Variants in RANBP2 observed in about 807,000 individuals in gnomAD.
The protein encoded by RANBP2 is RAN binding protein 2, also known as E3 SUMO-protein ligase RanBP2.
RANBP2 carries 57 observed loss-of-function variants against 303.6 expected under a neutral mutation model. The observed-to-expected ratio is 0.19, with a 90% CI of 0.15 to 0.23. The LOEUF (loss-of-function observed/expected upper bound fraction) is 0.23, where lower values mean the gene tolerates loss of function less well. RANBP2 is among the 10% of genes least tolerant of loss of function. The pLI, the probability that RANBP2 is intolerant of heterozygous loss-of-function variation, is 1.00. For synonymous variants in RANBP2, 1,167 were observed against 1,301.5 expected (o/e 0.90, Z 2.23); for missense variants, 3,138 against 3,780.8 (o/e 0.83, Z 4.46).
chr2:109,534,174 C>T, the RANBP2 span, among the ~76,000 whole-genome samples: 2 of 152,134 alleles, frequency 1.3e-5, no homozygotes, highest in Non-Finnish European at 2.9e-5. Flanking sequence ...CTGTCAGAGC[C>T]AAGCTATGAT....
the RANBP2 span, among the ~76,000 whole-genome samples, chr2:109,131,019 A>C: frequency 6.6e-6 from 1 of 152,218 alleles, no homozygotes; most frequent in Non-Finnish European, 1.5e-5. Flanking sequence ...GTTAAAAAAA[A>C]TACATTATCT....
At chr2:109,633,819 T>C in the RANBP2 span, among the ~76,000 whole-genome samples, 1 of 151,882 alleles carries the variant, frequency 6.6e-6, no homozygotes, top group Non-Finnish European at 1.5e-5. Flanking sequence ...CTGTCACAGA[T>C]GGGTTGATGT....
the RANBP2 span, chr2:109,574,855 T>C: frequency 1.1e-6 from 1 of 890,052 alleles, no homozygotes; most frequent in Non-Finnish European, 1.6e-6. Context: ...GGTCTATATT[T>C]TCACTAATTA....
the RANBP2 span, among the ~76,000 whole-genome samples, chr2:109,527,179 G>A: frequency 2.0e-4 from 31 of 152,346 alleles, no homozygotes; most frequent in African/African-American, 7.0e-4. Context: ...CGAAGCAGAT[G>A]TGTGTGCCTG....
the RANBP2 span, among the ~76,000 whole-genome samples, chr2:109,632,467 C>T: frequency 1.3e-5 from 2 of 152,120 alleles, no homozygotes; most frequent in African/African-American, 4.8e-5. Context: ...TGCTGTACAC[C>T]CAGCTGGTCA....
rs1409990602 is a variant in RANBP2, at chr2:108,765,983, C to T, written c.5444C>T (p.Ala1815Val). The T allele has an allele frequency of 1.9e-6, 3 of 1,614,018 alleles. No homozygotes were observed. Among genetic ancestry groups the T allele is most frequent in the Admixed American group, 1.7e-5 (1 of 59,994 alleles). ...TCTAAACCAACTCATAAACCTATTG[C>T]AGAAGCTCCTTCAGCTTTCACACTG... ...DASKPTHKPI[A>V]EAPSAFTLGS... Residue 1815 changes from alanine (A) to valine (V), a missense_variant, in exon 20 of 29, where the codon GCA becomes GTA. By Grantham distance (64) the Ala-to-Val change is moderately conservative (BLOSUM62 0). Coordinates refer to ENST00000283195, the MANE Select transcript of RANBP2 (RefSeq NM_006267.5).
chr2:108,971,849 A>G, the RANBP2 span, among the ~76,000 whole-genome samples: 1 of 152,206 alleles, frequency 6.6e-6, no homozygotes, highest in Non-Finnish European at 1.5e-5. Flanking sequence ...AGCCAACAGA[A>G]AAAAGGGCAG....
the RANBP2 span, chr2:109,564,545 A>C: frequency 3.4e-6 from 5 of 1,480,434 alleles, no homozygotes; most frequent in South Asian, 7.5e-5. Context: ...CTAGCCAAAA[A>C]AAAATAAGAA....
At chr2:109,327,392 TTAAAC>T in the RANBP2 span, among the ~76,000 whole-genome samples, 1 of 152,264 alleles carries the variant, frequency 6.6e-6, no homozygotes, top group African/African-American at 2.4e-5. Flanking sequence ...CTATTGTTGA[TTAAAC>T]TATTCTTTTG....
At chr2:109,175,118 C>T in the RANBP2 span, among the ~76,000 whole-genome samples, 1 of 152,106 alleles carries the variant, frequency 6.6e-6, no homozygotes, top group South Asian at 2.1e-4. Context: ...ACTAGTAGTC[C>T]TGGTCATTAT....
the RANBP2 span, among the ~76,000 whole-genome samples, chr2:109,181,466 A>G: frequency 1.3e-5 from 2 of 152,164 alleles, no homozygotes; most frequent in Non-Finnish European, 2.9e-5. Flanking sequence ...GTGTGAAGAA[A>G]GGATTCCACT....
chr2:109,111,130 T>C, the RANBP2 span, among the ~76,000 whole-genome samples: 4 of 152,316 alleles, frequency 2.6e-5, no homozygotes, highest in Non-Finnish European at 5.9e-5. Flanking sequence ...CTTACTGCTT[T>C]ACAAGGTAGC....
At chr2:108,844,865 A>G in the RANBP2 span, among the ~76,000 whole-genome samples, 2 of 150,444 alleles carry the variant, frequency 1.3e-5, no homozygotes, top group African/African-American at 4.9e-5. Context: ...CTCCTGCCTC[A>G]CCCTCCTGAA....
At chr2:109,685,485 C>T in the RANBP2 span, among the ~76,000 whole-genome samples, 6 of 152,210 alleles carry the variant, frequency 3.9e-5, no homozygotes, top group African/African-American at 1.2e-4. Context: ...AGAAACCTAG[C>T]GTGTGTTTTG....
At chr2:108,874,469 C>A in the RANBP2 span, among the ~76,000 whole-genome samples, 3 of 152,124 alleles carry the variant, frequency 2.0e-5, no homozygotes, top group African/African-American at 7.2e-5. Context: ...TGAGGCAAAT[C>A]TGGACACCTT....
chr2:108,905,064 AC>A, the RANBP2 span, among the ~76,000 whole-genome samples: 1 of 152,208 alleles, frequency 6.6e-6, no homozygotes, highest in African/African-American at 2.4e-5. Context: ...AAAACAAAAA[AC>A]AAAGAGACAC....
chr2:108,804,237 G>A, the RANBP2 span, among the ~76,000 whole-genome samples: 4 of 152,086 alleles, frequency 2.6e-5, no homozygotes, highest in Admixed American at 1.3e-4. Flanking sequence ...GAAAGTGAAA[G>A]GTGAAACTAT....
chr2:108,959,485 T>C, the RANBP2 span, among the ~76,000 whole-genome samples: 2 of 152,240 alleles, frequency 1.3e-5, no homozygotes, highest in Admixed American at 1.3e-4. Flanking sequence ...TATTGCATCT[T>C]TCAATGCTTT....
the RANBP2 span, among the ~76,000 whole-genome samples, chr2:108,923,159 A>G: frequency 2.0e-5 from 3 of 152,166 alleles, no homozygotes; most frequent in Admixed American, 2.0e-4. Context: ...CCTGCACTAG[A>G]ACCTCAGCCT....
Sources: gnomAD v4.1 joint callset for allele counts (sites outside exome capture counted in the v4.1 genomes callset) on GRCh38, gnomAD v4.1.1 for gene constraint, MANE v1.5 for transcripts, NCBI Gene and HGNC (gene_info 2026-07-23, HGNC 2026-07-21) for gene names.